Variants in PLPPR5 observed in about 807,000 individuals in gnomAD.
PLPPR5 encodes phospholipid phosphatase-related protein type 5.
A neutral mutation model predicts 33.9 loss-of-function variants in PLPPR5; 16 were observed. The observed-to-expected ratio is 0.47, with a 90% confidence interval of 0.32 to 0.72. The LOEUF is 0.72. Among genes scored for constraint, PLPPR5 ranks in the 30% least tolerant of loss-of-function variants. PLPPR5 has a pLI of 0.03. For synonymous variants in PLPPR5, 163 were observed against 150.3 expected (o/e 1.08, Z -0.62); for missense variants, 301 against 406.7 (o/e 0.74, Z 2.23).
At position 99,004,718 on chromosome 1, in the gene PLPPR5, G is replaced by T; in HGVS notation, c.-47C>A. The T allele has an allele frequency of 7.6e-7, 1 of 1,317,506 alleles. No individual in the cohort carries two copies. Among genetic ancestry groups the T allele is most frequent in the Non-Finnish European group, 9.9e-7 (1 of 1,005,574 alleles). The allele number at this position is 1,317,506 out of a possible 1,614,324, so 81.6% of individuals were successfully genotyped here. ...GAGCCGAGCCGAGCGGGCGGTCGAC[G>T]CGGTGGGCCCCCTCCCCGGTCCGCC... On this transcript the variant is annotated 5_prime_UTR_variant, in exon 1 of 6. Coordinates refer to ENST00000263177, the MANE Select transcript of PLPPR5 (RefSeq NM_001037317.2).
chr1:98,911,785 G>A (rs1360909401), intron 5 of PLPPR5, among the ~76,000 whole-genome samples: 1 of 151,614 alleles, frequency 6.6e-6, no homozygotes, highest in Non-Finnish European at 1.5e-5. Flanking sequence ...TCAGGGATGG[G>A]TTCTCCATCT....
chr1:98,993,237 C>T (rs890405723), intron 1 of PLPPR5, among the ~76,000 whole-genome samples: 1 of 152,046 alleles, frequency 6.6e-6, no homozygotes, highest in Non-Finnish European at 1.5e-5. Context: ...AGCCCTTCTT[C>T]ACGACTAAAA....
At chr1:98,990,574 C>A (rs1320650500) in intron 1 of PLPPR5, among the ~76,000 whole-genome samples, 1 of 152,030 alleles carries the variant, frequency 6.6e-6, no homozygotes, top group Non-Finnish European at 1.5e-5. Context: ...GTGAAATATT[C>A]TCCATTTGAA....
intron 2 of PLPPR5, among the ~76,000 whole-genome samples, chr1:98,955,140 C>T (rs1650956269): frequency 6.6e-6 from 1 of 152,048 alleles, no homozygotes; most frequent in Admixed American, 6.6e-5. Flanking sequence ...TACTATTATA[C>T]AGTGATGCTT....
At chr1:98,978,251 A>T (rs1330115609) in intron 1 of PLPPR5, among the ~76,000 whole-genome samples, 1 of 151,996 alleles carries the variant, frequency 6.6e-6, no homozygotes, top group Non-Finnish European at 1.5e-5. Flanking sequence ...ACAGGGAGGG[A>T]GGGGTGCTAC....
At chr1:98,973,964 A>G (rs1168233158) in intron 1 of PLPPR5, among the ~76,000 whole-genome samples, 2 of 151,942 alleles carry the variant, frequency 1.3e-5, no homozygotes, top group South Asian at 4.1e-4. Flanking sequence ...GAGACTGGAG[A>G]GAGGAGGTAG....
intron 3 of PLPPR5, among the ~76,000 whole-genome samples, chr1:98,933,385 A>C (rs2101180011): frequency 6.7e-6 from 1 of 148,712 alleles, no homozygotes; most frequent in South Asian, 2.2e-4. Flanking sequence ...CAGGAGGCTG[A>C]GGCAGGAGAA....
At chr1:98,973,180 T>C (rs1317195923) in intron 1 of PLPPR5, among the ~76,000 whole-genome samples, 1 of 152,096 alleles carries the variant, frequency 6.6e-6, no homozygotes, top group Non-Finnish European at 1.5e-5. Context: ...GAGTTTTCTG[T>C]TATTTGCAGA....
intron 3 of PLPPR5, among the ~76,000 whole-genome samples, chr1:98,949,487 G>A (rs1215070096): frequency 6.6e-6 from 1 of 152,046 alleles, no homozygotes; most frequent in Non-Finnish European, 1.5e-5. Context: ...ATGCATTTAT[G>A]TATGTTTATA....
chr1:98,925,202 G>T (rs1649709408), intron 3 of PLPPR5, among the ~76,000 whole-genome samples: 1 of 152,122 alleles, frequency 6.6e-6, no homozygotes. Flanking sequence ...ATGCTCTCTT[G>T]GTTTTTAATT....
In PLPPR5 at chr1:98,950,324, A is replaced by C. The variant is rs76795126; in HGVS notation, c.621+2746T>G. ...CTTTAAAAATACAAAGGAACTAGTA[A>C]AGTATTAACTAAGTTAGTAAAAGTG... is the stretch of plus-strand genomic sequence containing the variant. On this transcript the variant is annotated intron_variant, in intron 3 of 5. Transcript: ENST00000263177. 4.4e-3 allele frequency among the ~76,000 whole-genome samples: 670 copies of C among 152,346 alleles called. 39 individuals are homozygous for C. The East Asian group carries it at 0.11, about 25-fold the overall frequency.
chr1:98,952,968 G>A, intron 3 of PLPPR5, 102 bp downstream of exon 3: 1 of 1,363,636 alleles, frequency 7.3e-7, no homozygotes, highest in Non-Finnish European at 1.0e-6. Context: ...AGATATGAAT[G>A]TGCTTTAAGT....
chr1:98,950,640 T>C (rs1433079742), intron 3 of PLPPR5, among the ~76,000 whole-genome samples: 1 of 152,188 alleles, frequency 6.6e-6, no homozygotes, highest in East Asian at 1.9e-4. Flanking sequence ...CTGGCAAACA[T>C]TGGTTACACA....
At chr1:98,973,630 G>T (rs1570746534) in intron 1 of PLPPR5, among the ~76,000 whole-genome samples, 1 of 151,936 alleles carries the variant, frequency 6.6e-6, no homozygotes, top group South Asian at 2.1e-4. Flanking sequence ...CAAGACAAAA[G>T]AAATAATCCA....
intron 3 of PLPPR5, among the ~76,000 whole-genome samples, chr1:98,946,347 G>A (rs201475645): frequency 1.2e-3 from 183 of 152,252 alleles, no homozygotes; most frequent in African/African-American, 4.2e-3. Flanking sequence ...CACTGCTTCT[G>A]TAATGTCATT....
intron 5 of PLPPR5, among the ~76,000 whole-genome samples, chr1:98,910,817 G>C (rs559907784): frequency 3.3e-5 from 5 of 151,652 alleles, no homozygotes; most frequent in African/African-American, 1.2e-4. Flanking sequence ...GAGGAAAACA[G>C]GGTAGAAAAG....
At chr1:98,981,232 A>G (rs1463201294) in intron 1 of PLPPR5, among the ~76,000 whole-genome samples, 1 of 152,078 alleles carries the variant, frequency 6.6e-6, no homozygotes, top group Non-Finnish European at 1.5e-5. Flanking sequence ...TAAATTGTGT[A>G]TTACAGGTTT....
intron 5 of PLPPR5, among the ~76,000 whole-genome samples, chr1:98,896,490 T>A (rs56012015): frequency 0.17 from 25,684 of 152,120 alleles, 2,416 homozygotes; most frequent in Non-Finnish European, 0.21. Context: ...CATATAATTT[T>A]TTGTCACAAT....
chr1:98,982,724 G>A (rs899451588), intron 1 of PLPPR5, among the ~76,000 whole-genome samples: 2 of 152,004 alleles, frequency 1.3e-5, no homozygotes, highest in Non-Finnish European at 2.9e-5. Flanking sequence ...GCAACCTAAG[G>A]GACCTGAATA....
Sources: allele counts gnomAD v4.1 joint callset (sites outside exome capture counted in the v4.1 genomes callset), GRCh38; gene constraint gnomAD v4.1.1; transcripts MANE v1.5; gene names NCBI Gene and HGNC (gene_info 2026-07-23, HGNC 2026-07-21).